The following ZEB2 variants were observed in gnomAD, a reference collection of about 807,000 sequenced individuals.
ZEB2 encodes the protein zinc finger E-box binding homeobox 2.
In ZEB2, 6 loss-of-function variants were observed where a neutral mutation model predicts 99.9. The observed-to-expected ratio is 0.06, with a 90% CI of 0.03 to 0.12. The LOEUF (loss-of-function observed/expected upper bound fraction) is 0.12, where lower values mean the gene tolerates loss of function less well. Ranked by LOEUF, ZEB2 falls within the 10% of genes least tolerant of loss-of-function variation. The probability of loss-of-function intolerance (pLI) is 1.00; values close to 1 mark genes in which losing one functional copy is unlikely to be tolerated. For missense variants in ZEB2, 969 were observed against 1,502.8 expected (o/e 0.64, Z 5.87); for synonymous variants, 517 against 542.5 (o/e 0.95, Z 0.65).
At chr2:144,454,801 G>A (rs554241121) in intron 2 of ZEB2, among the ~76,000 whole-genome samples, 3 of 152,008 alleles carry the variant, frequency 2.0e-5, no homozygotes, top group African/African-American at 4.8e-5. Context: ...TTCAAAGTTG[G>A]GAGAGAATCC....
Position 144,384,362 on chromosome 2 carries a change from A to G in ZEB2, c.*5089T>C, listed in dbSNP as rs1257597874. ...CATTTCAGATACAAATGAAGACTGA[A>G]GGATTTATTTCTGTTATTTAATAGC... On this transcript the variant is annotated 3_prime_UTR_variant, in exon 10 of 10. Coordinates refer to ENST00000627532, the MANE Select transcript of ZEB2 (RefSeq NM_014795.4). The G allele has an allele frequency of 6.6e-6, 1 of 152,084 alleles. No homozygotes were observed. The highest frequency in any genetic ancestry group is 6.6e-5 in the Admixed American group (1 of 15,248). 9.4% of individuals were successfully genotyped at this position (152,084 alleles called of 1,614,324 possible).
chr2:144,488,758 G>A (rs1281639810), intron 2 of ZEB2, among the ~76,000 whole-genome samples: 1 of 151,648 alleles, frequency 6.6e-6, no homozygotes, highest in Non-Finnish European at 1.5e-5. Flanking sequence ...TCATCCATTT[G>A]TTAGGCATCT....
At position 144,400,151 on chromosome 2, in the gene ZEB2, T is replaced by C; in HGVS notation, c.1036A>G (p.Asn346Asp). Residue 346 changes from asparagine (N) to aspartate (D), a missense_variant, in exon 8 of 10, where the codon AAC becomes GAC. Physicochemically the swap from Asn to Asp is conservative, Grantham distance 23. Coordinates refer to ENST00000627532, the MANE Select transcript of ZEB2 (RefSeq NM_014795.4). ...GLISVNGRMR[N>D]NIKTGSSPNS... ...GGGGAAGAACCCGTCTTGATATTGT[T>C]TCTCATTCGGCCATTTACAGAGATT... is the stretch of plus-strand genomic sequence containing the variant. 6.2e-7 allele frequency: 1 copy of C among 1,613,970 alleles called. No homozygotes were observed. The highest frequency in any genetic ancestry group is 8.5e-7 in the Non-Finnish European group (1 of 1,179,832).
intron 4 of ZEB2, 38 bp from the exon 5 acceptor site, chr2:144,405,062 C>T (rs534068851): frequency 5.0e-6 from 8 of 1,600,220 alleles, no homozygotes; most frequent in Non-Finnish European, 6.8e-6. Flanking sequence ...TGTTTCCGGG[C>T]CTTCTTCCTA....
rs572270197 is a variant in ZEB2, at chr2:144,413,909, T to C, written c.404-8885A>G. Among the ~76,000 whole-genome samples the C allele has an allele frequency of 8.6e-4, 131 of 152,278 alleles. 1 individual carries two copies. The highest frequency in any genetic ancestry group is 3.2e-3 in the African/African-American group (131 of 41,558). On this transcript the variant is annotated intron_variant, in intron 4 of 9. Coordinates refer to ENST00000627532, the MANE Select transcript of ZEB2 (RefSeq NM_014795.4). ...TAAGAGGAACAGGAGAAATTGAGAG[T>C]TATTAAACCAAGAGGATAGTGAAAG... is the stretch of plus-strand genomic sequence containing the variant.
intron 2 of ZEB2, chr2:144,512,168 A>G: frequency 7.8e-7 from 1 of 1,287,266 alleles, no homozygotes; most frequent in Non-Finnish European, 1.0e-6. Flanking sequence ...ATTGTCTGTG[A>G]GCATTGCAAA....
intron 4 of ZEB2, among the ~76,000 whole-genome samples, chr2:144,422,551 G>A (rs1703632423): frequency 6.6e-6 from 1 of 152,216 alleles, no homozygotes. Flanking sequence ...TGTAATCCCG[G>A]CACTTCGGGA....
intron 2 of ZEB2, among the ~76,000 whole-genome samples, chr2:144,491,944 T>C (rs1319023140): frequency 6.6e-6 from 1 of 152,248 alleles, no homozygotes; most frequent in Non-Finnish European, 1.5e-5. Flanking sequence ...ATTTCTGGTA[T>C]GCTTAAGCAG....
At chr2:144,449,540 T>A (rs539022529) in intron 2 of ZEB2, 19 of 152,262 alleles carry the variant, frequency 1.2e-4, no homozygotes, top group African/African-American at 3.9e-4. Flanking sequence ...GGCTTTTAGG[T>A]TGAAAGGTAG....
chr2:144,499,589 C>T (rs1704839804), intron 2 of ZEB2, among the ~76,000 whole-genome samples: 3 of 152,252 alleles, frequency 2.0e-5, no homozygotes, highest in African/African-American at 4.8e-5. Flanking sequence ...GATGGAATAA[C>T]AAAGTTACGG....
At chr2:144,435,206 A>G (rs1703820635) in intron 2 of ZEB2, among the ~76,000 whole-genome samples, 1 of 152,166 alleles carries the variant, frequency 6.6e-6, no homozygotes, top group Non-Finnish European at 1.5e-5. Context: ...CTCAAGTAGG[A>G]AGGCCATGAT....
At chr2:144,401,502 T>G (rs1306352577) in intron 6 of ZEB2, among the ~76,000 whole-genome samples, 195 bp from the exon 7 acceptor site, 1 of 152,190 alleles carries the variant, frequency 6.6e-6, no homozygotes, top group East Asian at 1.9e-4. Context: ...TAAAAAAAAG[T>G]GCTTTCACAT....
In ZEB2 at chr2:144,429,653, G is replaced by C. The variant is rs928941543; in HGVS notation, c.331+116C>G. 3.9e-6 allele frequency: 6 copies of C among 1,519,652 alleles called. No individual in the cohort carries two copies. In the African/African-American group the frequency reaches 6.8e-5, roughly 17 times the overall value. The allele number at this position is 1,519,652 out of a possible 1,614,324, so 94.1% of individuals were successfully genotyped here. On this transcript the variant is annotated intron_variant, in intron 3 of 9. Coordinates refer to ENST00000627532, the MANE Select transcript of ZEB2 (RefSeq NM_014795.4). ...GCTTTGGTATCTCTATTCTGCAAGG[G>C]CTCAATGGAAAGAAATATTTTAATT...
rs760849906 is a variant in ZEB2, at chr2:144,398,574, A to C, written c.2613T>G (p.Asn871Lys). ...NLTFIKKEFSNSNNLDNKSTN... is the reference protein window; with the variant it reads ...NLTFIKKEFSKSNNLDNKSTN... ...TGCTTTTGTTGTCCAGATTATTTGA[A>C]TTTGAAAATTCCTTCTTGATAAAAG... The change falls in exon 8 of 10, where the codon AAT becomes AAG. Residue 871 changes from asparagine to lysine, a missense_variant. By Grantham distance (94) the Asn-to-Lys change is moderately conservative (BLOSUM62 0). Coordinates refer to ENST00000627532, the MANE Select transcript of ZEB2 (RefSeq NM_014795.4). The C allele has an allele frequency of 1.9e-6, 3 of 1,614,084 alleles. No homozygotes were observed. In the African/African-American group the frequency reaches 4.0e-5, roughly 22 times the overall value.
intron 4 of ZEB2, among the ~76,000 whole-genome samples, chr2:144,415,618 G>A (rs960381209): frequency 2.0e-5 from 3 of 152,118 alleles, no homozygotes; most frequent in African/African-American, 7.2e-5. Context: ...AAAGAGGAAG[G>A]GTCAACAAAC....
At chr2:144,455,398 A>G (rs1002962093) in intron 2 of ZEB2, among the ~76,000 whole-genome samples, 1 of 152,174 alleles carries the variant, frequency 6.6e-6, no homozygotes, top group African/African-American at 2.4e-5. Context: ...GCTCCATAGT[A>G]ATGTAGGTAA....
chr2:144,398,966 A>G lies in ZEB2; in HGVS notation c.2221T>C (p.Ser741Pro), dbSNP rs2149876753. The G allele has an allele frequency of 6.2e-7, 1 of 1,614,170 alleles. No homozygotes were observed. Among genetic ancestry groups the G allele is most frequent in the East Asian group, 2.2e-5 (1 of 44,878 alleles). Residue 741 changes from serine (S) to proline (P), a missense_variant, in exon 8 of 10, where the codon TCA becomes CCA. Ser to Pro is a moderately conservative substitution (Grantham distance 74). Coordinates refer to ENST00000627532, the MANE Select transcript of ZEB2 (RefSeq NM_014795.4). ...TTGTGGAGTTCTGCTATAGATGGTG[A>G]TGTTATGGAGTCCATAGGTTTTACA... is the stretch of plus-strand genomic sequence containing the variant. The part of the protein sequence containing the change: ...SPVKPMDSIT[S>P]PSIAELHNSV...
chr2:144,445,439 T>TCTCTCTCTTCCTCTCACTCTCC (rs1333841626), intron 2 of ZEB2, among the ~76,000 whole-genome samples: 4 of 152,072 alleles, frequency 2.6e-5, no homozygotes, highest in African/African-American at 7.2e-5. Flanking sequence ...ACATTCATTC[T>TCTCTCTCTTCCTCTCACTCTCC]CTCTCTCTTC....
intron 4 of ZEB2, among the ~76,000 whole-genome samples, chr2:144,410,906 C>T (rs939536936): frequency 6.6e-6 from 1 of 151,164 alleles, no homozygotes; most frequent in East Asian, 1.9e-4. Flanking sequence ...CCATCCATCC[C>T]CTTGTTTAAT....
Sources: gnomAD v4.1 joint callset for allele counts (sites outside exome capture counted in the v4.1 genomes callset) on GRCh38, gnomAD v4.1.1 for gene constraint, MANE v1.5 for transcripts, NCBI Gene and HGNC (gene_info 2026-07-23, HGNC 2026-07-21) for gene names.